Variants in VXN observed in about 807,000 individuals in gnomAD.
VXN encodes the protein uncharacterized protein C8orf46.
Under a neutral mutation model 23.1 loss-of-function variants are expected in VXN, and 7 were observed. The ratio of observed to expected loss-of-function variants is 0.30; its 90% CI spans 0.17 to 0.57. The LOEUF (loss-of-function observed/expected upper bound fraction) is 0.57. Among genes scored for constraint, VXN ranks in the 20% least tolerant of loss-of-function variants. VXN has a pLI of 0.91. For synonymous variants in VXN, 120 were observed against 105.8 expected (o/e 1.13, Z -0.83); for missense variants, 238 against 272.6 (o/e 0.87, Z 0.89).
intron 2 of VXN, among the ~76,000 whole-genome samples, chr8:66,500,891 T>G (rs1233782146): frequency 7.3e-6 from 1 of 136,844 alleles, no homozygotes; most frequent in Non-Finnish European, 1.6e-5. Flanking sequence ...TTTTTTTTTT[T>G]GAGACAGAGT....
chr8:66,510,871 A>G (rs1288418110), intron 4 of VXN, among the ~76,000 whole-genome samples: 5 of 152,094 alleles, frequency 3.3e-5, no homozygotes, highest in African/African-American at 7.2e-5. Context: ...TCACCTCCCA[A>G]AGGTCCTGCT....
intron 3 of VXN, among the ~76,000 whole-genome samples, chr8:66,507,090 C>G (rs1807768376): frequency 6.6e-6 from 1 of 152,086 alleles, no homozygotes; most frequent in African/African-American, 2.4e-5. Context: ...ACTGGGTAGG[C>G]CCCAAGATTT....
chr8:66,510,239 A>G lies in VXN; in HGVS notation c.342+82A>G, dbSNP rs569540718. On this transcript the variant is annotated intron_variant, in intron 4 of 5. Transcript: ENST00000305454. ...TCTGATTCTCCTGTGCCATGAAGAG[A>G]GACTCAGTGTTCTTTGTTCCAGGCC... is the stretch of plus-strand genomic sequence containing the variant. 21 of 1,153,684 alleles carry G rather than the reference A, an allele frequency of 1.8e-5. No individual in the cohort carries two copies. In the African/African-American group the frequency reaches 3.3e-4, roughly 18 times the overall value. 71.5% of individuals were successfully genotyped at this position (1,153,684 alleles called of 1,614,324 possible).
intron 2 of VXN, among the ~76,000 whole-genome samples, chr8:66,504,191 A>C (rs1184516001): frequency 6.6e-6 from 1 of 152,128 alleles, no homozygotes; most frequent in Non-Finnish European, 1.5e-5. Flanking sequence ...TGTTCCTGAA[A>C]GGGAACATTT....
chr8:66,502,868 A>G (rs934970353), intron 2 of VXN, among the ~76,000 whole-genome samples: 2 of 148,006 alleles, frequency 1.4e-5, no homozygotes, highest in African/African-American at 5.0e-5. Context: ...TTTTTTTAAG[A>G]TGGGGTCTCA....
Position 66,516,176 on chromosome 8 carries a change from C to G in VXN, c.*100C>G. 1 of 1,092,052 alleles carries G rather than the reference C, an allele frequency of 9.2e-7. No homozygotes were observed. The highest frequency in any genetic ancestry group is 1.3e-6 in the Non-Finnish European group (1 of 787,310). The allele number at this position is 1,092,052 out of a possible 1,614,324, so 67.6% of individuals were successfully genotyped here. Reference sequence around the variant, plus strand: ...GAGCCACACGCACCTCTGCTAGTAGCTGGTCCAAACCCATTATCCTCCCTC... The same window carrying G: ...GAGCCACACGCACCTCTGCTAGTAGGTGGTCCAAACCCATTATCCTCCCTC... On this transcript the variant is annotated 3_prime_UTR_variant, in exon 6 of 6. Transcript: ENST00000305454.
At chr8:66,497,758 G>A (rs1385064309) in intron 2 of VXN, among the ~76,000 whole-genome samples, 1 of 152,130 alleles carries the variant, frequency 6.6e-6, no homozygotes, top group Non-Finnish European at 1.5e-5. Context: ...TGGGCACTGT[G>A]GCTTACACCT....
rs182274301 is a variant in VXN at position 66,498,143 on chromosome 8, G to A, written c.126+1651G>A. On this transcript the variant is annotated intron_variant, in intron 2 of 5. Transcript: ENST00000305454. ...AGATTATGCCACTGCATTCCAGCCT[G>A]GGCAACAGAACAAGACTCCGTCTCA... 2.0e-4 allele frequency among the ~76,000 whole-genome samples: 30 copies of A among 151,160 alleles called. 1 individual carries two copies. The highest frequency in any genetic ancestry group is 7.3e-4 in the African/African-American group (30 of 41,124).
intron 2 of VXN, among the ~76,000 whole-genome samples, chr8:66,499,505 G>A (rs1041692876): frequency 6.6e-6 from 1 of 151,822 alleles, no homozygotes; most frequent in African/African-American, 2.4e-5. Flanking sequence ...CAAAGTGCTG[G>A]AATTTGCAGG....
intron 3 of VXN, among the ~76,000 whole-genome samples, chr8:66,507,062 A>G (rs1449078598): frequency 1.3e-5 from 2 of 152,212 alleles, no homozygotes; most frequent in Non-Finnish European, 1.5e-5. Flanking sequence ...ATTTTTATGC[A>G]GATTCAAATT....
At chr8:66,503,332 T>C (rs1353988411) in intron 2 of VXN, 1 of 152,186 alleles carries the variant, frequency 6.6e-6, no homozygotes, top group Non-Finnish European at 1.5e-5. Flanking sequence ...TTTCTGTGAA[T>C]CCCCTCAGCC....
intron 3 of VXN, among the ~76,000 whole-genome samples, chr8:66,507,625 G>A (rs902421897): frequency 6.6e-6 from 1 of 152,294 alleles, no homozygotes; most frequent in African/African-American, 2.4e-5. Context: ...TATTCTGAAA[G>A]ACAAGAGCAA....
chr8:66,514,443 T>G (rs2130561170), intron 5 of VXN, among the ~76,000 whole-genome samples: 1 of 152,262 alleles, frequency 6.6e-6, no homozygotes, highest in African/African-American at 2.4e-5. Context: ...GGTTTTTGTT[T>G]TGTTTTGTTT....
At chr8:66,513,492 TG>T in intron 4 of VXN, 47 bp from the exon 5 acceptor site, 1 of 1,495,484 alleles carries the variant, frequency 6.7e-7, no homozygotes, top group Non-Finnish European at 9.3e-7. Flanking sequence ...AGGGCCAGAG[TG>T]GGAAGGCAGA....
intron 2 of VXN, among the ~76,000 whole-genome samples, chr8:66,499,872 T>C (rs953011349): frequency 6.6e-6 from 1 of 152,090 alleles, no homozygotes; most frequent in African/African-American, 2.4e-5. Context: ...TTCTTTTATA[T>C]ACACATTTTT....
At chr8:66,515,590 G>A (rs1374000992) in intron 5 of VXN, among the ~76,000 whole-genome samples, 2 of 152,300 alleles carry the variant, frequency 1.3e-5, no homozygotes, top group African/African-American at 2.4e-5. Flanking sequence ...TCACATAGAG[G>A]CTGAAGGGGT....
At position 66,503,688 on chromosome 8, in the gene VXN, G is replaced by A. The variant is rs151077345; in HGVS notation, c.127-1687G>A. ...ACCACCATCCTAATTCTCTAATCTT[G>A]CTCCTATACTCAGGATGCTAAAGAG... On this transcript the variant is annotated intron_variant, in intron 2 of 5. Coordinates refer to ENST00000305454, the MANE Select transcript of VXN (RefSeq NM_152765.4). 5.8e-3 allele frequency among the ~76,000 whole-genome samples: 887 copies of A among 152,178 alleles called. 13 individuals are homozygous for A. The highest frequency in any genetic ancestry group is 0.02 in the African/African-American group (836 of 41,516).
intron 2 of VXN, among the ~76,000 whole-genome samples, chr8:66,504,038 G>A (rs985585741): frequency 6.6e-6 from 1 of 152,158 alleles, no homozygotes; most frequent in African/African-American, 2.4e-5. Context: ...CGCGACCTGG[G>A]AAATAACTGG....
At chr8:66,501,263 C>T (rs2130545620) in intron 2 of VXN, 1 of 152,292 alleles carries the variant, frequency 6.6e-6, no homozygotes, top group Non-Finnish European at 1.5e-5. Context: ...CCATGCTAAT[C>T]TTCTCTGTAT....
Sources: allele counts gnomAD v4.1 joint callset (sites outside exome capture counted in the v4.1 genomes callset), GRCh38; gene constraint gnomAD v4.1.1; transcripts MANE v1.5; gene names NCBI Gene and HGNC (gene_info 2026-07-23, HGNC 2026-07-21).